UBE2J2: variants seen among roughly 807,000 people sequenced by gnomAD.
The protein encoded by UBE2J2 is ubiquitin conjugating enzyme E2 J2, also known as ubiquitin-conjugating enzyme E2 J2.
UBE2J2 carries 5 observed loss-of-function variants against 28.6 expected under a neutral mutation model. The ratio of observed to expected loss-of-function variants is 0.17; its 90% CI spans 0.09 to 0.37. The LOEUF (loss-of-function observed/expected upper bound fraction) is 0.37, where lower values mean the gene tolerates loss of function less well. Ranked by LOEUF, UBE2J2 falls within the 10% of genes least tolerant of loss-of-function variation. The probability of loss-of-function intolerance (pLI) is 1.00; values close to 1 mark genes in which losing one functional copy is unlikely to be tolerated. For missense variants in UBE2J2, 226 were observed against 338.9 expected, an observed-to-expected ratio of 0.67 and a Z score of 2.62; for synonymous variants, 138 against 139.7, an observed-to-expected ratio of 0.99 and a Z score of 0.09.
chr1:1,261,014 G>A (rs1276148765), intron 3 of UBE2J2, among the ~76,000 whole-genome samples: 1 of 152,228 alleles, frequency 6.6e-6, no homozygotes, highest in African/African-American at 2.4e-5. Context: ...TGCACGGAGG[G>A]GACGCAGCTA....
chr1:1,256,119 G>T lies in UBE2J2; in HGVS notation c.421C>A (p.Gln141Lys). The change falls in exon 6 of 7, where the codon CAA becomes AAA. Residue 141 changes from glutamine to lysine, a missense_variant. By Grantham distance (53) the Gln-to-Lys change is moderately conservative. Around this residue, in one of 3 missense-constraint regions of UBE2J2, gnomAD observed 133 missense variants for 161.5 expected, o/e 0.82. Coordinates refer to ENST00000349431, the MANE Select transcript of UBE2J2 (RefSeq NM_058167.3). The stretch of plus-strand genomic sequence containing the variant: ...AATGCTAAACTCTGCACTGCCAGTT[G>T]TCTTTTCTAGGAAGGAAGGGAAGGG... ...SIETSDFTKR[Q>K]LAVQSLAFNL... 4 of 1,610,524 alleles carry T rather than the reference G, an allele frequency of 2.5e-6. No homozygotes were observed. The highest frequency in any genetic ancestry group is 3.4e-6 in the Non-Finnish European group (4 of 1,177,234).
At chr1:1,266,050 C>G in intron 2 of UBE2J2, 1 of 1,303,274 alleles carries the variant, frequency 7.7e-7, no homozygotes, top group South Asian at 1.2e-5. Context: ...ATGAAGACGT[C>G]CTCGCAACCA....
In UBE2J2 at chr1:1,268,809, C is replaced by T. The variant is rs1451040580; in HGVS notation, c.1-817G>A. Among the ~76,000 whole-genome samples, 2 of 152,068 alleles carry T rather than the reference C, an allele frequency of 1.3e-5. No individual in the cohort carries two copies. Among genetic ancestry groups the T allele is most frequent in the Non-Finnish European group, 2.9e-5 (2 of 68,026 alleles). On this transcript the variant is annotated intron_variant, in intron 1 of 6. Transcript: ENST00000349431. The surrounding 1 kb of genome is among the most constrained non-coding windows in gnomAD (Gnocchi z 4.7). The stretch of plus-strand genomic sequence containing the variant: ...CCTCCCACCTCAGCCTCCTGAGTAG[C>T]TGAGACTACAGACGCATGCCACCAC...
intron 2 of UBE2J2, 119 bp downstream of exon 2, chr1:1,267,743 G>A: frequency 1.3e-6 from 2 of 1,540,666 alleles, no homozygotes; most frequent in Admixed American, 1.9e-5. Context: ...CCCGGGGGAG[G>A]GTGCAGGAGC....
intron 3 of UBE2J2, among the ~76,000 whole-genome samples, chr1:1,261,077 C>T (rs189739705): frequency 6.6e-6 from 1 of 152,278 alleles, no homozygotes; most frequent in African/African-American, 2.4e-5. Context: ...AGGAAGCTGT[C>T]GTCAGCAGCA....
rs72631901 is a variant in UBE2J2, at chr1:1,262,940, G to A, written c.172+406C>T. The A allele has an allele frequency of 4.5e-3, 884 of 196,352 alleles. 1 individual carries two copies. Among genetic ancestry groups the A allele is most frequent in the Non-Finnish European group, 7.2e-3 (668 of 92,688 alleles). 12.2% of individuals were successfully genotyped at this position (196,352 alleles called of 1,614,324 possible). On this transcript the variant is annotated intron_variant, in intron 3 of 6. Coordinates refer to ENST00000349431, the MANE Select transcript of UBE2J2 (RefSeq NM_058167.3). ...GGTACTTCCACTTAGCTCAGAGACC[G>A]TCCTGGGGATTGCGAAACCCTGGGG...
At chr1:1,270,025 C>T (rs1282165790) in intron 1 of UBE2J2, among the ~76,000 whole-genome samples, 5 of 152,260 alleles carry the variant, frequency 3.3e-5, no homozygotes, top group East Asian at 1.9e-4. Context: ...CCAGTGAAAG[C>T]GAGTTCTCAG....
chr1:1,270,327 G>T (rs1640084292), intron 1 of UBE2J2, among the ~76,000 whole-genome samples: 1 of 152,134 alleles, frequency 6.6e-6, no homozygotes, highest in African/African-American at 2.4e-5. Context: ...TCTCTAACCG[G>T]TTTATTCCTC....
intron 1 of UBE2J2, among the ~76,000 whole-genome samples, chr1:1,270,622 C>A (rs980290118): frequency 3.9e-5 from 6 of 152,170 alleles, no homozygotes; most frequent in African/African-American, 1.4e-4. Context: ...ACCACAGGAG[C>A]CTCCCAACTC....
chr1:1,267,684 T>C (rs2101088679), intron 2 of UBE2J2, 178 bp downstream of exon 2: 3 of 1,413,154 alleles, frequency 2.1e-6, no homozygotes, highest in East Asian at 5.2e-5. Flanking sequence ...CATGCGTCCA[T>C]TGGGAAAAGA....
chr1:1,257,152 A>T, intron 4 of UBE2J2, 22 bp from the exon 5 acceptor site: 7 of 1,608,258 alleles, frequency 4.4e-6, no homozygotes, highest in Non-Finnish European at 5.9e-6. Flanking sequence ...GGGCCCCGTC[A>T]GTGCACACTC....
intron 3 of UBE2J2, chr1:1,262,492 T>C: frequency 3.0e-6 from 1 of 332,184 alleles, no homozygotes; most frequent in Admixed American, 4.1e-5. Context: ...CTCCCGACAG[T>C]CCAAAGCAGG....
intron 2 of UBE2J2, chr1:1,266,247 A>G: frequency 9.4e-7 from 1 of 1,065,344 alleles, no homozygotes; most frequent in Non-Finnish European, 1.2e-6. Flanking sequence ...ACCCCTGACC[A>G]AGCCGAAACA....
chr1:1,255,193 C>G lies in UBE2J2; in HGVS notation c.*10G>C, dbSNP rs765387377. The stretch of plus-strand genomic sequence containing the variant: ...CCCTCAGTGGCGCCTTGGGTCTCGG[C>G]GCCTGGGCCTCACTCCTGCGCGATG... On this transcript the variant is annotated 3_prime_UTR_variant, in exon 7 of 7. Coordinates refer to ENST00000349431, the MANE Select transcript of UBE2J2 (RefSeq NM_058167.3). 1 of 1,570,122 alleles carries G rather than the reference C, an allele frequency of 6.4e-7. No individual in the cohort carries two copies. The highest frequency in any genetic ancestry group is 8.7e-7 in the Non-Finnish European group (1 of 1,153,714).
rs574323043 is a variant in UBE2J2, at chr1:1,272,266, T to C, written c.-1+1400A>G. 4.6e-5 allele frequency among the ~76,000 whole-genome samples: 7 copies of C among 152,230 alleles called. No homozygotes were observed. The South Asian group carries it at 1.5e-3, about 32-fold the overall frequency. ...AAGGACACCAAGCATATCATCCTGCTGAGAGAAAGAGTTGGCGATTTTAAA... is the reference window on the plus strand; with the variant it reads ...AAGGACACCAAGCATATCATCCTGCCGAGAGAAAGAGTTGGCGATTTTAAA... On this transcript the variant is annotated intron_variant, in intron 1 of 6. Transcript: ENST00000349431.
At chr1:1,263,181 G>C in intron 3 of UBE2J2, 165 bp downstream of exon 3, 1 of 674,936 alleles carries the variant, frequency 1.5e-6, no homozygotes, top group African/African-American at 1.8e-5. Flanking sequence ...AACACTTCCA[G>C]CGTGTGGAGA....
rs1427014039 is a variant in UBE2J2, at chr1:1,273,551, G to C, written c.-1+115C>G. On this transcript the variant is annotated intron_variant, in intron 1 of 6. Transcript: ENST00000349431. Reference sequence around the variant, plus strand: ...CCGGGGCCCCGCGGGCGGCGGGCGCGAACGGAGAAGCGTCGCGCAGGGTCC... The same window carrying C: ...CCGGGGCCCCGCGGGCGGCGGGCGCCAACGGAGAAGCGTCGCGCAGGGTCC... The C allele has an allele frequency of 2.6e-5, 4 of 151,986 alleles. No individual in the cohort carries two copies. In the East Asian group the frequency reaches 7.7e-4, roughly 29 times the overall value. 9.4% of individuals were successfully genotyped at this position (151,986 alleles called of 1,614,324 possible). A position where few individuals can be genotyped will look rare whatever the true frequency, so the allele number is the denominator to read the frequency against.
chr1:1,257,403 C>T (rs1161155669), intron 3 of UBE2J2, 93 bp from the exon 4 acceptor site: 8 of 603,754 alleles, frequency 1.3e-5, no homozygotes, highest in Non-Finnish European at 1.8e-5. Flanking sequence ...ACCCCCCCCC[C>T]CCCCCTCAGC....
intron 2 of UBE2J2, 161 bp from the exon 3 acceptor site, chr1:1,263,547 A>T: frequency 1.5e-6 from 1 of 654,210 alleles, no homozygotes; most frequent in Non-Finnish European, 2.8e-6. Context: ...CGGCTTCAAA[A>T]CCCCCGTCTC....
Sources: gnomAD v4.1 joint callset for allele counts (sites outside exome capture counted in the v4.1 genomes callset) on GRCh38, gnomAD v4.1.1 for gene constraint, gnomAD v4.1.1 regional missense constraint, Gnocchi (gnomAD v3.1) non-coding constraint, MANE v1.5 for transcripts, NCBI Gene and HGNC (gene_info 2026-07-23, HGNC 2026-07-21) for gene names.